The following TPCN2 variants were observed in gnomAD, a reference collection of about 807,000 sequenced individuals.
The protein encoded by TPCN2 is two pore channel protein 2.
TPCN2 carries 92 observed loss-of-function variants against 111.4 expected under a neutral mutation model. The observed-to-expected ratio is 0.83, with a 90% CI of 0.70 to 0.98. The LOEUF (loss-of-function observed/expected upper bound fraction) is 0.98. TPCN2 is among the 50% of genes least tolerant of loss of function. The pLI, the probability that TPCN2 is intolerant of heterozygous loss-of-function variation, is 0.00. For synonymous variants in TPCN2, 405 were observed against 414.5 expected, an observed-to-expected ratio of 0.98 and a Z score of 0.28; for missense variants, 995 against 980.1, an observed-to-expected ratio of 1.02 and a Z score of -0.20.
chr11:69,087,995 G>T lies in TPCN2; in HGVS notation c.*42G>T. 5.1e-6 allele frequency: 8 copies of T among 1,561,754 alleles called. No homozygotes were observed. Among genetic ancestry groups the T allele is most frequent in the Non-Finnish European group, 7.0e-6 (8 of 1,149,796 alleles). ...CCAGCAGGGGCGGCAGGAGAGAGAG[G>T]CTGGCCTACACAGGTGCCCGTCATG... is the stretch of plus-strand genomic sequence containing the variant. On this transcript the variant is annotated 3_prime_UTR_variant, in exon 25 of 25. Transcript: ENST00000294309.
At chr11:69,072,756 C>T in intron 12 of TPCN2, 48 bp downstream of exon 12, 1 of 1,605,808 alleles carries the variant, frequency 6.2e-7, no homozygotes, top group Non-Finnish European at 8.5e-7. Context: ...CCCGGGAGGT[C>T]ACTTGGGCCA....
At position 69,067,590 on chromosome 11, in the gene TPCN2, G is replaced by C. The variant is rs142288453; in HGVS notation, c.814G>C (p.Ala272Pro). Residue 272 changes from alanine to proline, a missense_variant, in exon 8 of 25, where the codon GCC (alanine) becomes CCC (proline). By Grantham distance (27) the Ala-to-Pro change is conservative (BLOSUM62 -1). Coordinates refer to ENST00000294309, the MANE Select transcript of TPCN2 (RefSeq NM_139075.4). ...LTSLLVLLTT[A>P]NNPDVMIPAY... ...TTCCCTCCTGGTGCTGCTGACCACG[G>C]CCAACAACCCCGATGGTGCGTGCAG... The C allele has an allele frequency of 6.2e-7, 1 of 1,613,806 alleles. No homozygotes were observed. The highest frequency in any genetic ancestry group is 2.2e-5 in the East Asian group (1 of 44,862).
intron 7 of TPCN2, among the ~76,000 whole-genome samples, chr11:69,065,428 G>T (rs1024652612): frequency 6.6e-6 from 1 of 152,200 alleles, no homozygotes. Context: ...TCCTCCAGGC[G>T]TGGGTTTCTG....
intron 17 of TPCN2, 44 bp downstream of exon 17, chr11:69,079,927 C>T (rs1274091038): frequency 5.6e-6 from 9 of 1,598,124 alleles, no homozygotes; most frequent in East Asian, 2.2e-5. Context: ...GCAAACAGCA[C>T]CACCACCCAG....
intron 13 of TPCN2, among the ~76,000 whole-genome samples, chr11:69,075,684 C>T (rs1032810216): frequency 3.3e-5 from 5 of 152,190 alleles, no homozygotes; most frequent in African/African-American, 4.8e-5. Context: ...CCAGCCTTTT[C>T]GAGAGCCCTC....
rs2134655338 is a variant in TPCN2 at position 69,089,603 on chromosome 11, C to G, written c.*1650C>G. The G allele has an allele frequency of 6.6e-6, 1 of 152,420 alleles. No homozygotes were observed. The highest frequency in any genetic ancestry group is 2.1e-4 in the South Asian group (1 of 4,826). 9.4% of individuals were successfully genotyped at this position (152,420 alleles called of 1,614,324 possible). A position where few individuals can be genotyped will look rare whatever the true frequency, so the allele number is the denominator to read the frequency against. On this transcript the variant is annotated 3_prime_UTR_variant, in exon 25 of 25. Coordinates refer to ENST00000294309, the MANE Select transcript of TPCN2 (RefSeq NM_139075.4). ...AGTGTCACAGGATGGACACTGCCTC[C>G]TGGCAGGGGCTGCCCAATGCAGTTA...
At chr11:69,055,956 T>C (rs1854745367) in intron 4 of TPCN2, among the ~76,000 whole-genome samples, 1 of 152,240 alleles carries the variant, frequency 6.6e-6, no homozygotes, top group Non-Finnish European at 1.5e-5. Flanking sequence ...AGCTGCTGCA[T>C]GTTTGACTCT....
rs753183000 is a variant in TPCN2, at chr11:69,082,305, CAT to C, written c.1689+807_1689+808del. Among the ~76,000 whole-genome samples, 27 of 152,268 alleles carry C rather than the reference CAT, an allele frequency of 1.8e-4. 1 individual carries two copies. The South Asian group carries it at 2.1e-3, about 12-fold the overall frequency. On this transcript the variant is annotated intron_variant, in intron 18 of 24. Transcript: ENST00000294309. ...ACACGTGATCTCACACACAACCACA[CAT>C]GTGACCATGCACATGCATATACACA...
At position 69,085,390 on chromosome 11, in the gene TPCN2, GGTGTTCTCCCAGTTCCTTC is replaced by G; in HGVS notation, c.1838+107_1838+125del. 3 of 1,175,930 alleles carry G rather than the reference GGTGTTCTCCCAGTTCCTTC, an allele frequency of 2.6e-6. No homozygotes were observed. In the South Asian group the frequency reaches 3.7e-5, roughly 14 times the overall value. 72.8% of individuals were successfully genotyped at this position (1,175,930 alleles called of 1,614,324 possible). On this transcript the variant is annotated intron_variant, in intron 20 of 24. Coordinates refer to ENST00000294309, the MANE Select transcript of TPCN2 (RefSeq NM_139075.4). ...TGGGCTCAGCATCTCAGGATGGGAGGGTGTTCTCCCAGTTCCTTCGTCTCCTCCCTCCACCCCCTTTTCC... is the reference window on the plus strand; with the variant it reads ...TGGGCTCAGCATCTCAGGATGGGAGGGTCTCCTCCCTCCACCCCCTTTTCC...
At chr11:69,080,002 C>T (rs547153315) in intron 17 of TPCN2, 119 bp downstream of exon 17, 12 of 895,748 alleles carry the variant, frequency 1.3e-5, no homozygotes, top group East Asian at 2.6e-5. Context: ...GGGCAGACCC[C>T]GTGATGGTGG....
chr11:69,068,314 G>A (rs181848290), intron 8 of TPCN2, among the ~76,000 whole-genome samples: 364 of 70,512 alleles, frequency 5.2e-3, no homozygotes, highest in Middle Eastern at 0.011. Context: ...TGGGAGCAGG[G>A]CCGTCTGAGT....
At chr11:69,079,069 C>A in intron 16 of TPCN2, 49 bp downstream of exon 16, 1 of 1,566,658 alleles carries the variant, frequency 6.4e-7, no homozygotes, top group Non-Finnish European at 8.6e-7. Flanking sequence ...GGTGGGTGAG[C>A]GCCACCTGGG....
At chr11:69,074,785 C>T (rs543059346) in intron 13 of TPCN2, among the ~76,000 whole-genome samples, 3 of 152,296 alleles carry the variant, frequency 2.0e-5, no homozygotes, top group Admixed American at 2.0e-4. Context: ...TGGGAGAAGC[C>T]AGTCATCCTA....
intron 5 of TPCN2, 145 bp from the exon 6 acceptor site, chr11:69,062,739 A>T (rs548180358): frequency 2.7e-6 from 2 of 730,382 alleles, no homozygotes; most frequent in South Asian, 3.4e-5. Context: ...CCAGCTCTGG[A>T]GCCAGGCCCT....
At chr11:69,060,158 C>T (rs11228467) in intron 5 of TPCN2, among the ~76,000 whole-genome samples, 1 of 152,342 alleles carries the variant, frequency 6.6e-6, no homozygotes, top group East Asian at 1.9e-4. Context: ...ACTCTTCTCT[C>T]TCCACGCCCC....
chr11:69,055,924 AG>A (rs946275257), intron 4 of TPCN2, among the ~76,000 whole-genome samples: 1 of 152,182 alleles, frequency 6.6e-6, no homozygotes, highest in Non-Finnish European at 1.5e-5. Context: ...TGGGGCAGAA[AG>A]GGGTTTCTTA....
At chr11:69,066,569 G>A (rs1374573392) in intron 7 of TPCN2, among the ~76,000 whole-genome samples, 3 of 152,228 alleles carry the variant, frequency 2.0e-5, no homozygotes, top group East Asian at 1.9e-4. Flanking sequence ...CTATTGATGC[G>A]GCTGTGAGGC....
At position 69,055,274 on chromosome 11, in the gene TPCN2, C is replaced by T. The variant is rs1293300818; in HGVS notation, c.351C>T (p.Pro117=). The change falls in exon 4 of 25, where the codon CCC becomes CCT. Residue 117 remains proline (P), a synonymous_variant. Transcript: ENST00000294309. ...STADVRYRAA[P]WEPPCGLTES... is the part of the protein sequence containing the mutation. ...CGGACGTGCGCTACCGCGCTGCTCC[C>T]TGGGAGCCGCCCTGCGGCCTGACCG... The T allele has an allele frequency of 6.2e-7, 1 of 1,614,104 alleles. No individual in the cohort carries two copies. The highest frequency in any genetic ancestry group is 1.7e-5 in the Admixed American group (1 of 60,026).
intron 1 of TPCN2, among the ~76,000 whole-genome samples, chr11:69,052,848 A>G (rs1297227534): frequency 2.6e-5 from 4 of 152,206 alleles, no homozygotes; most frequent in Non-Finnish European, 4.4e-5. Flanking sequence ...GTGGGCCCCA[A>G]GGGGCCAGGT....
Sources: allele counts gnomAD v4.1 joint callset (sites outside exome capture counted in the v4.1 genomes callset), GRCh38; gene constraint gnomAD v4.1.1; transcripts MANE v1.5; gene names NCBI Gene and HGNC (gene_info 2026-07-23, HGNC 2026-07-21).